The following SCAI variants were observed in gnomAD, a reference collection of about 807,000 sequenced individuals.
SCAI encodes suppressor of cancer cell invasion, also known as protein SCAI.
SCAI carries 24 observed loss-of-function variants against 92.2 expected under a neutral mutation model. The observed-to-expected ratio is 0.26, with a 90% CI of 0.19 to 0.37. SCAI has a LOEUF of 0.37. Ranked by LOEUF, SCAI falls within the 10% of genes least tolerant of loss-of-function variation. The pLI, the probability that SCAI is intolerant of heterozygous loss-of-function variation, is 1.00. For synonymous variants in SCAI, 261 were observed against 258.6 expected (o/e 1.01, Z -0.09); for missense variants, 450 against 736.2 (o/e 0.61, Z 4.50).
At chr9:125,068,113 C>T (rs1833907826) in intron 2 of SCAI, among the ~76,000 whole-genome samples, 1 of 152,116 alleles carries the variant, frequency 6.6e-6, no homozygotes, top group Non-Finnish European at 1.5e-5. Context: ...GCACAAAAGC[C>T]CGAGTATTTC....
chr9:125,047,792 A>G (rs1833476329), intron 3 of SCAI, among the ~76,000 whole-genome samples: 1 of 152,214 alleles, frequency 6.6e-6, no homozygotes, highest in Non-Finnish European at 1.5e-5. Flanking sequence ...ACTTAGTATA[A>G]AAAACAATGT....
At chr9:125,093,492 C>T (rs550916913) in intron 2 of SCAI, among the ~76,000 whole-genome samples, 1 of 152,102 alleles carries the variant, frequency 6.6e-6, no homozygotes, top group African/African-American at 2.4e-5. Context: ...GAGATGTTCT[C>T]TTCTCCACTC....
chr9:124,986,020 G>A (rs897372668), intron 14 of SCAI, among the ~76,000 whole-genome samples: 14 of 152,092 alleles, frequency 9.2e-5, no homozygotes, highest in African/African-American at 2.7e-4. Flanking sequence ...GTCCGGGCGC[G>A]GTGGCTCATG....
intron 2 of SCAI, among the ~76,000 whole-genome samples, chr9:125,112,186 C>T (rs1171249685): frequency 6.6e-6 from 1 of 151,980 alleles, no homozygotes; most frequent in African/African-American, 2.4e-5. Context: ...TGATGACAGC[C>T]CTAAACGGTG....
intron 17 of SCAI, among the ~76,000 whole-genome samples, chr9:124,955,782 G>A (rs2131572145): frequency 6.6e-6 from 1 of 152,116 alleles, no homozygotes; most frequent in South Asian, 2.1e-4. Context: ...AGTGCCTACA[G>A]GAATAAAAGG....
intron 3 of SCAI, among the ~76,000 whole-genome samples, chr9:125,036,244 T>C (rs1043553817): frequency 3.3e-5 from 5 of 152,128 alleles, no homozygotes; most frequent in Admixed American, 6.5e-5. Flanking sequence ...ACAGTATGTG[T>C]GGATTACTTG....
chr9:125,136,650 G>A (rs1015557940), intron 2 of SCAI, among the ~76,000 whole-genome samples: 4 of 151,586 alleles, frequency 2.6e-5, no homozygotes, highest in Admixed American at 6.6e-5. Flanking sequence ...TAGTAGAGAC[G>A]GGGTTTCGCT....
chr9:124,991,434 C>T (rs1832121216), intron 14 of SCAI, among the ~76,000 whole-genome samples: 1 of 137,802 alleles, frequency 7.3e-6, no homozygotes, highest in Non-Finnish European at 1.6e-5. Flanking sequence ...AATGAAGAAA[C>T]ATTTACAAAA....
chr9:124,957,889 G>C (rs538512817), intron 17 of SCAI, among the ~76,000 whole-genome samples: 1 of 152,018 alleles, frequency 6.6e-6, no homozygotes, highest in Admixed American at 6.6e-5. Flanking sequence ...TGCCTTGTTG[G>C]CCAGGCTGGT....
chr9:125,017,723 TC>T (rs1832789524), intron 9 of SCAI, among the ~76,000 whole-genome samples: 1 of 151,982 alleles, frequency 6.6e-6, no homozygotes, highest in Non-Finnish European at 1.5e-5. Context: ...CAAAAACAAC[TC>T]CTGGCCAAGT....
intron 3 of SCAI, among the ~76,000 whole-genome samples, chr9:125,032,195 A>ATATATATATATATATATATT (rs1177865840): frequency 1.0e-5 from 1 of 99,476 alleles, no homozygotes; most frequent in African/African-American, 4.8e-5. Flanking sequence ...ATATATATAT[A>ATATATATATATATATATATT]TTTTTTTTTT....
intron 17 of SCAI, among the ~76,000 whole-genome samples, chr9:124,963,498 C>T (rs1364824174): frequency 2.0e-5 from 3 of 151,832 alleles, no homozygotes; most frequent in African/African-American, 7.3e-5. Context: ...ACCTGTAATC[C>T]TAGCACTTTA....
intron 14 of SCAI, among the ~76,000 whole-genome samples, chr9:124,983,068 C>T (rs1451145392): frequency 6.6e-6 from 1 of 151,194 alleles, no homozygotes; most frequent in Admixed American, 6.6e-5. Flanking sequence ...AGGAGGATCT[C>T]TTGAGCCCAG....
chr9:125,140,293 C>A (rs748598750), intron 2 of SCAI, among the ~76,000 whole-genome samples: 7 of 152,122 alleles, frequency 4.6e-5, no homozygotes, highest in Non-Finnish European at 7.4e-5. Context: ...TTTGGGAGGC[C>A]TAGTCAGACA....
intron 2 of SCAI, among the ~76,000 whole-genome samples, chr9:125,118,569 T>C (rs903780726): frequency 4.6e-5 from 7 of 152,062 alleles, no homozygotes; most frequent in African/African-American, 1.7e-4. Context: ...ACAGTTCACA[T>C]GTGTAGAATG....
chr9:124,976,931 C>A (rs572681514), intron 14 of SCAI, among the ~76,000 whole-genome samples: 1 of 151,468 alleles, frequency 6.6e-6, no homozygotes, highest in Non-Finnish European at 1.5e-5. Context: ...TGCAATGGCA[C>A]GATCTCGGTT....
intron 3 of SCAI, among the ~76,000 whole-genome samples, chr9:125,038,461 G>A (rs1833248055): frequency 1.3e-5 from 2 of 152,108 alleles, no homozygotes; most frequent in African/African-American, 4.8e-5. Flanking sequence ...GCTGTTTCTT[G>A]GCCAGCAGCT....
intron 2 of SCAI, among the ~76,000 whole-genome samples, chr9:125,133,362 C>T (rs1042865637): frequency 6.6e-6 from 1 of 152,054 alleles, no homozygotes; most frequent in Non-Finnish European, 1.5e-5. Context: ...GCACTCCAGC[C>T]TGGGTGATAA....
intron 17 of SCAI, chr9:124,968,678 A>C (rs1831590891): frequency 1.5e-6 from 2 of 1,336,842 alleles, no homozygotes; most frequent in African/African-American, 1.4e-5. Context: ...GGTGGCCCAA[A>C]GTTCCCGATT....
Sources: allele counts gnomAD v4.1 joint callset (sites outside exome capture counted in the v4.1 genomes callset), GRCh38; gene constraint gnomAD v4.1.1; transcripts MANE v1.5; gene names NCBI Gene and HGNC (gene_info 2026-07-23, HGNC 2026-07-21).